ATOSA: variants seen among roughly 807,000 people sequenced by gnomAD.
ATOSA encodes the protein atos homolog A.
chr15:52,653,589 T>C, the ATOSA span, among the ~76,000 whole-genome samples: 2 of 152,140 alleles, frequency 1.3e-5, no homozygotes, highest in African/African-American at 4.8e-5. Context: ...CAAGCTGTGT[T>C]CAAAACATGA....
the ATOSA span, chr15:52,609,781 G>A: frequency 6.2e-7 from 1 of 1,613,108 alleles, no homozygotes; most frequent in East Asian, 2.2e-5. Flanking sequence ...CAAATGTTGG[G>A]CAATTCTTGC....
At chr15:52,705,286 A>G in the ATOSA span, among the ~76,000 whole-genome samples, 2 of 151,904 alleles carry the variant, frequency 1.3e-5, no homozygotes, top group East Asian at 1.9e-4. Context: ...GTTCTCACTC[A>G]TAAGTGGGAG....
At chr15:52,621,148 A>C in the ATOSA span, among the ~76,000 whole-genome samples, 1 of 152,208 alleles carries the variant, frequency 6.6e-6, no homozygotes, top group Admixed American at 6.5e-5. Flanking sequence ...AGACTGGTTA[A>C]ATATACTGTG....
the ATOSA span, among the ~76,000 whole-genome samples, chr15:52,693,426 A>G: frequency 6.6e-6 from 1 of 152,196 alleles, no homozygotes; most frequent in African/African-American, 2.4e-5. Flanking sequence ...TCTCAAAAAA[A>G]TGATTTCAGA....
chr15:52,632,267 G>C, the ATOSA span, among the ~76,000 whole-genome samples: 1 of 152,148 alleles, frequency 6.6e-6, no homozygotes, highest in Admixed American at 6.5e-5. Context: ...TCTCTAGTAA[G>C]AGATGATCTA....
the ATOSA span, among the ~76,000 whole-genome samples, chr15:52,606,754 C>G: frequency 1.3e-5 from 2 of 152,118 alleles, no homozygotes; most frequent in East Asian, 3.9e-4. Flanking sequence ...TTGATTAAAC[C>G]CCATGTTAGA....
At chr15:52,610,366 A>G in the ATOSA span, 2 of 1,609,236 alleles carry the variant, frequency 1.2e-6, no homozygotes, top group South Asian at 1.1e-5. Context: ...CTGTAGGTCT[A>G]CATCAGCAGC....
chr15:52,605,205 AT>A, the ATOSA span: 1 of 1,611,324 alleles, frequency 6.2e-7, no homozygotes, highest in Non-Finnish European at 8.5e-7. Flanking sequence ...AGGAATGAAA[AT>A]TATGTTTTCG....
chr15:52,690,338 C>T, the ATOSA span, among the ~76,000 whole-genome samples: 2 of 152,152 alleles, frequency 1.3e-5, no homozygotes, highest in African/African-American at 4.8e-5. Flanking sequence ...TATTTAGACT[C>T]CTTGGGTCTT....
At chr15:52,684,862 C>G in the ATOSA span, among the ~76,000 whole-genome samples, 1 of 152,166 alleles carries the variant, frequency 6.6e-6, no homozygotes, top group Non-Finnish European at 1.5e-5. Context: ...CAGGCATGAG[C>G]CACCATGCCT....
chr15:52,654,534 T>TCC, the ATOSA span, among the ~76,000 whole-genome samples: 2 of 152,168 alleles, frequency 1.3e-5, no homozygotes, highest in Non-Finnish European at 2.9e-5. Context: ...TCCCAGATTC[T>TCC]CAGTTCTCAA....
At chr15:52,630,429 T>G in the ATOSA span, among the ~76,000 whole-genome samples, 1 of 152,082 alleles carries the variant, frequency 6.6e-6, no homozygotes, top group Non-Finnish European at 1.5e-5. Flanking sequence ...CTAAGAATCC[T>G]GAAAGGTTAA....
the ATOSA span, among the ~76,000 whole-genome samples, chr15:52,616,092 T>C: frequency 6.6e-6 from 1 of 152,092 alleles, no homozygotes; most frequent in East Asian, 1.9e-4. Context: ...ATTCTCAGAG[T>C]AGTAGACACA....
chr15:52,622,121 C>T, the ATOSA span, among the ~76,000 whole-genome samples: 2 of 152,152 alleles, frequency 1.3e-5, no homozygotes, highest in African/African-American at 4.8e-5. Flanking sequence ...TGCTGGATTA[C>T]AGGCATGAGC....
At chr15:52,652,133 G>A in the ATOSA span, 5 of 1,263,068 alleles carry the variant, frequency 4.0e-6, no homozygotes, top group African/African-American at 4.6e-5. Context: ...TCCCCTGCTC[G>A]CTAGGTCCAC....
At chr15:52,652,107 G>A in the ATOSA span, 1 of 1,396,542 alleles carries the variant, frequency 7.2e-7, no homozygotes. Flanking sequence ...TGATTGGACA[G>A]AGGGTGTGCT....
chr15:52,615,655 A>T, the ATOSA span, among the ~76,000 whole-genome samples: 1 of 152,220 alleles, frequency 6.6e-6, no homozygotes, highest in Non-Finnish European at 1.5e-5. Flanking sequence ...ATGATGAAGA[A>T]TGCTCTTTTC....
chr15:52,604,878 C>G, the ATOSA span, among the ~76,000 whole-genome samples: 5 of 151,928 alleles, frequency 3.3e-5, no homozygotes, highest in Admixed American at 3.3e-4. Flanking sequence ...TTTTTCACAT[C>G]TAGTAACAGT....
At chr15:52,688,160 G>T in the ATOSA span, among the ~76,000 whole-genome samples, 1 of 152,180 alleles carries the variant, frequency 6.6e-6, no homozygotes. Context: ...ATGCATCATT[G>T]TTCTAGCAAT....
Sources: allele counts gnomAD v4.1 joint callset (sites outside exome capture counted in the v4.1 genomes callset), GRCh38; gene constraint gnomAD v4.1.1; transcripts MANE v1.5; gene names NCBI Gene and HGNC (gene_info 2026-07-23, HGNC 2026-07-21).